Variants in MPDZ observed in about 807,000 individuals in gnomAD.
The protein encoded by MPDZ is multiple PDZ domain protein.
MPDZ carries 234 observed loss-of-function variants against 239.1 expected under a neutral mutation model. That is an observed-to-expected ratio of 0.98 (90% CI 0.88 to 1.09). The LOEUF (loss-of-function observed/expected upper bound fraction) is 1.09. Among genes scored for constraint, MPDZ ranks in the 50% least tolerant of loss-of-function variants. MPDZ has a pLI of 0.00. For synonymous variants in MPDZ, 1,048 were observed against 881.3 expected (o/e 1.19, Z -3.35); for missense variants, 3,175 against 2,510.0 (o/e 1.26, Z -5.66).
chr9:13,116,956 G>T (rs1446395405), intron 39 of MPDZ, among the ~76,000 whole-genome samples: 1 of 151,956 alleles, frequency 6.6e-6, no homozygotes, highest in African/African-American at 2.4e-5. Flanking sequence ...TTTATTATAG[G>T]GGGGAATATG....
chr9:13,228,652 T>C (rs1193626153), intron 3 of MPDZ, among the ~76,000 whole-genome samples: 1 of 152,126 alleles, frequency 6.6e-6, no homozygotes, highest in Non-Finnish European at 1.5e-5. Flanking sequence ...CCATTAGCCA[T>C]TGGTGTGCGG....
intron 21 of MPDZ, among the ~76,000 whole-genome samples, chr9:13,169,986 T>A (rs983895760): frequency 1.3e-5 from 2 of 152,186 alleles, no homozygotes; most frequent in Admixed American, 6.6e-5. Flanking sequence ...TCCCTTTGCA[T>A]CCTATCCTCA....
chr9:13,122,583 C>T (rs945468201), intron 36 of MPDZ, among the ~76,000 whole-genome samples: 1 of 149,164 alleles, frequency 6.7e-6, no homozygotes, highest in Non-Finnish European at 1.5e-5. Context: ...TGCAGTGGTG[C>T]GATCTCAGCT....
At chr9:13,213,680 C>T (rs1347692345) in intron 10 of MPDZ, among the ~76,000 whole-genome samples, 3 of 152,028 alleles carry the variant, frequency 2.0e-5, no homozygotes, top group Non-Finnish European at 4.4e-5. Flanking sequence ...TGAGTGAAGT[C>T]AAGTGATTTT....
intron 10 of MPDZ, among the ~76,000 whole-genome samples, chr9:13,212,085 G>A (rs939913173): frequency 6.6e-6 from 1 of 151,940 alleles, no homozygotes; most frequent in Non-Finnish European, 1.5e-5. Flanking sequence ...CATTCTTATT[G>A]TTCAATTCTA....
At chr9:13,119,434 T>C (rs1248737331) in intron 39 of MPDZ, 68 bp downstream of exon 39, 9 of 1,523,842 alleles carry the variant, frequency 5.9e-6, no homozygotes, top group Admixed American at 2.0e-5. Context: ...TTGACTATGA[T>C]AGCCCAATGT....
chr9:13,275,580 TGTGGAA>T (rs1973981384), intron 1 of MPDZ, among the ~76,000 whole-genome samples: 1 of 152,166 alleles, frequency 6.6e-6, no homozygotes, highest in South Asian at 2.1e-4. Flanking sequence ...ACACCAAAAA[TGTGGAA>T]GTGGCTTTGG....
intron 1 of MPDZ, among the ~76,000 whole-genome samples, chr9:13,260,311 G>A (rs1479073938): frequency 5.3e-5 from 8 of 152,082 alleles, no homozygotes; most frequent in Non-Finnish European, 8.8e-5. Flanking sequence ...AAGGAAAATG[G>A]GAGCTAGATT....
chr9:13,163,724 T>TC (rs2133705203), intron 22 of MPDZ, among the ~76,000 whole-genome samples: 1 of 152,268 alleles, frequency 6.6e-6, no homozygotes, highest in South Asian at 2.1e-4. Context: ...TATTAAACCC[T>TC]CTGTCCATAA....
intron 21 of MPDZ, among the ~76,000 whole-genome samples, chr9:13,172,308 T>C (rs547760636): frequency 3.3e-4 from 50 of 152,110 alleles, no homozygotes; most frequent in Non-Finnish European, 6.0e-4. Flanking sequence ...CTAATTGTGA[T>C]TTACACTTTT....
chr9:13,196,992 A>G (rs1295583417), intron 12 of MPDZ, among the ~76,000 whole-genome samples: 1 of 151,818 alleles, frequency 6.6e-6, no homozygotes, highest in African/African-American at 2.4e-5. Flanking sequence ...TTTAGCATTC[A>G]AATTTCAAAT....
Position 13,158,048 on chromosome 9 carries a change from G to A in MPDZ, c.3422C>T (p.Thr1141Ile), listed in dbSNP as rs777791099. ...GEGEESELQN[T>I]AYSNWNQPRR... ...GGGCTGATTCCAATTGCTATATGCT[G>A]TGTTTTGAAGTTCGCTTTCTTCACC... The change falls in exon 24 of 47, where the codon ACA becomes ATA. Residue 1141 changes from threonine to isoleucine, a missense_variant. Thr to Ile is a moderately conservative substitution (Grantham distance 89). Coordinates refer to ENST00000319217, the MANE Select transcript of MPDZ (RefSeq NM_001378778.1). The A allele has an allele frequency of 2.6e-5, 42 of 1,612,650 alleles. No individual in the cohort carries two copies. The highest frequency in any genetic ancestry group is 3.6e-5 in the Non-Finnish European group (42 of 1,179,172).
At chr9:13,262,627 CAAA>C (rs921722555) in intron 1 of MPDZ, among the ~76,000 whole-genome samples, 14 of 148,784 alleles carry the variant, frequency 9.4e-5, no homozygotes, top group Admixed American at 8.0e-4. Flanking sequence ...AAAAGATGAA[CAAA>C]AAATACTCTA....
chr9:13,146,593 A>T (rs1948464118), intron 26 of MPDZ, among the ~76,000 whole-genome samples: 1 of 152,022 alleles, frequency 6.6e-6, no homozygotes, highest in Non-Finnish European at 1.5e-5. Context: ...GAGAATCACT[A>T]TGATGGGGGT....
At chr9:13,159,546 G>A (rs145266890) in intron 23 of MPDZ, among the ~76,000 whole-genome samples, 21 of 152,264 alleles carry the variant, frequency 1.4e-4, no homozygotes, top group Admixed American at 1.3e-4. Context: ...ACAGGACAGA[G>A]TATGACGAAG....
At chr9:13,151,869 A>G (rs1269656807) in intron 24 of MPDZ, among the ~76,000 whole-genome samples, 11 of 143,678 alleles carry the variant, frequency 7.7e-5, no homozygotes, top group Admixed American at 7.6e-4. Context: ...ACTTTGCTCA[A>G]TTTATTAAGG....
chr9:13,275,761 T>C (rs919229861), intron 1 of MPDZ, among the ~76,000 whole-genome samples: 2 of 152,188 alleles, frequency 1.3e-5, no homozygotes, highest in Admixed American at 6.5e-5. Flanking sequence ...TCTCCATTAA[T>C]TGCTCTTCCC....
At chr9:13,250,852 G>C (rs1315184445) in intron 1 of MPDZ, among the ~76,000 whole-genome samples, 1 of 152,064 alleles carries the variant, frequency 6.6e-6, no homozygotes, top group Non-Finnish European at 1.5e-5. Context: ...CTGTGGGCTG[G>C]GCATGGTGGC....
chr9:13,174,023 C>G (rs993375995), intron 21 of MPDZ, among the ~76,000 whole-genome samples: 3 of 152,162 alleles, frequency 2.0e-5, no homozygotes, highest in African/African-American at 7.2e-5. Context: ...CCATAACAAA[C>G]CAGTTTCAGT....
Sources: gnomAD v4.1 joint callset for allele counts (sites outside exome capture counted in the v4.1 genomes callset) on GRCh38, gnomAD v4.1.1 for gene constraint, MANE v1.5 for transcripts, NCBI Gene and HGNC (gene_info 2026-07-23, HGNC 2026-07-21) for gene names.